The following AGBL1 variants were observed in gnomAD, a reference collection of about 807,000 sequenced individuals.
AGBL1 encodes AGBL carboxypeptidase 1, also known as cytosolic carboxypeptidase 4.
AGBL1 carries 130 observed loss-of-function variants against 118.9 expected under a neutral mutation model. That is an observed-to-expected ratio of 1.09 (90% CI 0.95 to 1.26). The LOEUF is 1.26. Ranked by LOEUF, AGBL1 falls within the 50% of genes most tolerant of loss-of-function variation. AGBL1 has a pLI of 0.00. For missense variants in AGBL1, 1,584 were observed against 1,298.1 expected (o/e 1.22, Z -3.38); for synonymous variants, 555 against 478.9 (o/e 1.16, Z -2.08).
intron 22 of AGBL1, among the ~76,000 whole-genome samples, chr15:86,890,774 C>T (rs2080041741): frequency 6.6e-6 from 1 of 152,146 alleles, no homozygotes; most frequent in Non-Finnish European, 1.5e-5. Flanking sequence ...CAGTACCATG[C>T]TGTTGTGGTT....
intron 22 of AGBL1, among the ~76,000 whole-genome samples, chr15:86,729,029 C>T (rs1403159463): frequency 6.6e-6 from 1 of 152,144 alleles, no homozygotes; most frequent in Non-Finnish European, 1.5e-5. Context: ...TGCAACAAAA[C>T]TCTACAGTTT....
intron 21 of AGBL1, among the ~76,000 whole-genome samples, chr15:86,591,300 C>T (rs561943406): frequency 1.3e-5 from 2 of 152,258 alleles, no homozygotes; most frequent in South Asian, 2.1e-4. Flanking sequence ...CCACACACAC[C>T]AACCACTGGA....
chr15:86,561,980 C>T (rs1211000423), intron 21 of AGBL1, among the ~76,000 whole-genome samples: 6 of 152,204 alleles, frequency 3.9e-5, no homozygotes, highest in East Asian at 1.9e-4. Flanking sequence ...TATAAGAATG[C>T]TTGTGATTTT....
At chr15:86,886,070 A>G (rs1392031155) in intron 22 of AGBL1, among the ~76,000 whole-genome samples, 8 of 152,198 alleles carry the variant, frequency 5.3e-5, no homozygotes, top group African/African-American at 1.9e-4. Flanking sequence ...TAGCCTCTTA[A>G]ACATCCACCC....
intron 22 of AGBL1, among the ~76,000 whole-genome samples, chr15:86,745,729 T>C (rs1191982843): frequency 2.6e-5 from 4 of 152,100 alleles, no homozygotes; most frequent in Non-Finnish European, 4.4e-5. Flanking sequence ...CTCAGGTCTT[T>C]GGTGTATAAG....
In AGBL1 at chr15:86,615,294, G is replaced by T. The variant is rs144728883; in HGVS notation, c.2995-58979G>T. 2.6e-5 allele frequency among the ~76,000 whole-genome samples: 4 copies of T among 152,200 alleles called. No homozygotes were observed. The highest frequency in any genetic ancestry group is 4.4e-5 in the Non-Finnish European group (3 of 68,034). On this transcript the variant is annotated intron_variant, in intron 21 of 22. Transcript: ENST00000614907. The surrounding 1 kb of genome is among the most constrained non-coding windows in gnomAD (Gnocchi z 4.3). ...TTGACTAAAAACCAGCCTAGGAAAA[G>T]ATGTGATGAGGGACTGTGGTAAAGA...
At chr15:86,807,786 G>T (rs2078738463) in intron 22 of AGBL1, among the ~76,000 whole-genome samples, 2 of 152,062 alleles carry the variant, frequency 1.3e-5, no homozygotes, top group South Asian at 4.1e-4. Flanking sequence ...GTCAAATAGG[G>T]AAAACAAATC....
chr15:86,662,172 TC>T (rs892681611), intron 21 of AGBL1, among the ~76,000 whole-genome samples: 1 of 152,230 alleles, frequency 6.6e-6, no homozygotes, highest in African/African-American at 2.4e-5. Context: ...CATTTATATA[TC>T]CATGTAAATG....
intron 22 of AGBL1, among the ~76,000 whole-genome samples, chr15:86,896,629 G>T (rs2080131891): frequency 6.6e-6 from 1 of 151,750 alleles, no homozygotes; most frequent in African/African-American, 2.4e-5. Context: ...TCTATTTTTT[G>T]TTTCTTTTTT....
chr15:86,351,577 T>A (rs1345433673), intron 17 of AGBL1, among the ~76,000 whole-genome samples: 1 of 152,214 alleles, frequency 6.6e-6, no homozygotes. Flanking sequence ...GCACACGTGA[T>A]GCTATAAGTC....
At chr15:86,440,735 C>G (rs927678440) in intron 18 of AGBL1, among the ~76,000 whole-genome samples, 11 of 152,096 alleles carry the variant, frequency 7.2e-5, no homozygotes, top group African/African-American at 2.4e-4. Flanking sequence ...TGGTCTCCTG[C>G]TATAATACTG....
intron 18 of AGBL1, among the ~76,000 whole-genome samples, chr15:86,481,277 A>G (rs779687550): frequency 7.4e-5 from 6 of 81,018 alleles, no homozygotes; most frequent in Non-Finnish European, 1.0e-4. Context: ...ATTTAGGTAG[A>G]TATTTTAAAC....
At chr15:86,638,884 C>T (rs866145975) in intron 21 of AGBL1, among the ~76,000 whole-genome samples, 6 of 152,124 alleles carry the variant, frequency 3.9e-5, no homozygotes, top group Admixed American at 2.6e-4. Flanking sequence ...GGCTACCATC[C>T]ATGTGTCAGC....
At chr15:86,702,690 C>A (rs1228638789) in intron 22 of AGBL1, among the ~76,000 whole-genome samples, 5 of 152,142 alleles carry the variant, frequency 3.3e-5, no homozygotes, top group Admixed American at 3.3e-4. Flanking sequence ...AAACTCTTTT[C>A]TCCCTTTATT....
At chr15:86,592,256 G>A (rs1334256199) in intron 21 of AGBL1, among the ~76,000 whole-genome samples, 2 of 152,124 alleles carry the variant, frequency 1.3e-5, no homozygotes, top group African/African-American at 2.4e-5. Context: ...TAGCAGCAGC[G>A]AATCCAACGG....
At chr15:86,503,675 T>C (rs1179070302) in intron 18 of AGBL1, among the ~76,000 whole-genome samples, 2 of 151,508 alleles carry the variant, frequency 1.3e-5, no homozygotes, top group African/African-American at 4.8e-5. Flanking sequence ...ATATTGTAAT[T>C]TCTTCTTTGA....
chr15:86,326,543 G>A (rs1161233734), intron 17 of AGBL1, among the ~76,000 whole-genome samples: 1 of 152,094 alleles, frequency 6.6e-6, no homozygotes, highest in Non-Finnish European at 1.5e-5. Context: ...AAGTTTGGCT[G>A]GTGGGAAACA....
At chr15:86,232,304 GCA>G (rs902949279) in intron 6 of AGBL1, among the ~76,000 whole-genome samples, 2 of 152,210 alleles carry the variant, frequency 1.3e-5, no homozygotes, top group Non-Finnish European at 2.9e-5. Context: ...GGGCTGAGCC[GCA>G]GACAGTAAAG....
At chr15:86,811,336 A>T (rs916005373) in intron 22 of AGBL1, among the ~76,000 whole-genome samples, 19 of 152,224 alleles carry the variant, frequency 1.2e-4, no homozygotes, top group African/African-American at 4.1e-4. Context: ...ATGGGAGAAC[A>T]GTCAGAAGGC....
Sources: allele counts gnomAD v4.1 joint callset (sites outside exome capture counted in the v4.1 genomes callset), GRCh38; gene constraint gnomAD v4.1.1; non-coding constraint Gnocchi (gnomAD v3.1); transcripts MANE v1.5; gene names NCBI Gene and HGNC (gene_info 2026-07-23, HGNC 2026-07-21).